The following GAS2L3 variants were observed in gnomAD, a reference collection of about 807,000 sequenced individuals.
The protein encoded by GAS2L3 is growth arrest specific 2 like 3, also known as GAS2-like protein 3.
A neutral mutation model predicts 37.0 loss-of-function variants in GAS2L3; 28 were observed. The ratio of observed to expected loss-of-function variants is 0.76; its 90% confidence interval spans 0.56 to 1.04. The LOEUF (loss-of-function observed/expected upper bound fraction) is 1.04. GAS2L3 is among the 50% of genes least tolerant of loss of function. The pLI, the probability that GAS2L3 is intolerant of heterozygous loss-of-function variation, is 0.00. For missense variants in GAS2L3, 793 were observed against 817.6 expected, an observed-to-expected ratio of 0.97 and a Z score of 0.37; for synonymous variants, 290 against 296.6, an observed-to-expected ratio of 0.98 and a Z score of 0.23.
At chr12:100,615,679 TA>T (rs2136547097) in intron 6 of GAS2L3, among the ~76,000 whole-genome samples, 1 of 152,260 alleles carries the variant, frequency 6.6e-6, no homozygotes, top group East Asian at 1.9e-4. Flanking sequence ...TGGTGGGAGG[TA>T]GGGGTTCAAA....
chr12:100,623,792 A>G lies in GAS2L3; in HGVS notation c.987A>G (p.Gln329=). Residue 329 remains glutamine (Q), a synonymous_variant, in exon 10 of 10, where the codon CAA becomes CAG. Coordinates refer to ENST00000547754, the MANE Select transcript of GAS2L3 (RefSeq NM_174942.3). The stretch of plus-strand genomic sequence containing the variant: ...CAGCAGTTAACATGTTTCAGAAACA[A>G]AATTCAAAACCCAGCGTGCCAGTTA... ...PLSAVNMFQK[Q]NSKPSVPVSI... is the part of the protein sequence containing the mutation. 1 of 1,614,118 alleles carries G rather than the reference A, an allele frequency of 6.2e-7. No homozygotes were observed. Among genetic ancestry groups the G allele is most frequent in the Non-Finnish European group, 8.5e-7 (1 of 1,180,004 alleles).
chr12:100,596,663 T>G (rs1044528882), intron 3 of GAS2L3, among the ~76,000 whole-genome samples: 1 of 152,102 alleles, frequency 6.6e-6, no homozygotes, highest in African/African-American at 2.4e-5. Flanking sequence ...TCTTACTAAT[T>G]TAATACTTCA....
At chr12:100,603,048 A>T (rs898026844) in intron 5 of GAS2L3, among the ~76,000 whole-genome samples, 2 of 152,114 alleles carry the variant, frequency 1.3e-5, no homozygotes, top group Non-Finnish European at 2.9e-5. Flanking sequence ...TCATCTACTG[A>T]TGGACTTTTA....
intron 5 of GAS2L3, among the ~76,000 whole-genome samples, chr12:100,604,860 GT>G (rs1266371572): frequency 6.6e-6 from 1 of 151,882 alleles, no homozygotes; most frequent in Non-Finnish European, 1.5e-5. Flanking sequence ...GATATATACG[GT>G]TTTTATACTT....
intron 4 of GAS2L3, among the ~76,000 whole-genome samples, chr12:100,601,326 A>G (rs937041895): frequency 6.6e-6 from 1 of 152,074 alleles, no homozygotes; most frequent in African/African-American, 2.4e-5. Context: ...ATTGCAACCA[A>G]GTCCATCTTA....
At chr12:100,584,876 T>A (rs890900293) in intron 1 of GAS2L3, among the ~76,000 whole-genome samples, 1 of 143,446 alleles carries the variant, frequency 7.0e-6, no homozygotes, top group African/African-American at 2.6e-5. Context: ...TGGGCCCTAC[T>A]TGAATGGTTT....
At chr12:100,602,171 T>C (rs1309376872) in intron 5 of GAS2L3, among the ~76,000 whole-genome samples, 1 of 152,196 alleles carries the variant, frequency 6.6e-6, no homozygotes, top group Non-Finnish European at 1.5e-5. Flanking sequence ...TGATGGTTCC[T>C]GGCACACAAG....
intron 4 of GAS2L3, among the ~76,000 whole-genome samples, 166 bp downstream of exon 4, chr12:100,600,716 A>G (rs991340087): frequency 1.3e-5 from 2 of 152,216 alleles, no homozygotes; most frequent in African/African-American, 2.4e-5. Context: ...AGCTGGGGAA[A>G]TAGTCTGATT....
intron 9 of GAS2L3, among the ~76,000 whole-genome samples, chr12:100,622,994 A>G (rs1956278807): frequency 6.6e-6 from 1 of 152,068 alleles, no homozygotes; most frequent in African/African-American, 2.4e-5. Flanking sequence ...CACTTCTCAT[A>G]CAGAAGCTGT....
At chr12:100,594,841 T>C (rs1006250243) in intron 2 of GAS2L3, 34 bp from the exon 3 acceptor site, 2 of 814,980 alleles carry the variant, frequency 2.5e-6, no homozygotes, top group East Asian at 6.4e-5. Context: ...ACTGCCACTG[T>C]TAACTGTATG....
At chr12:100,593,965 A>T (rs1398311071) in intron 2 of GAS2L3, 1 of 152,086 alleles carries the variant, frequency 6.6e-6, no homozygotes, top group African/African-American at 2.4e-5. Context: ...TGTTCCTGAA[A>T]GGAAAGTGGT....
chr12:100,594,669 A>T, intron 2 of GAS2L3: 1 of 285,228 alleles, frequency 3.5e-6, no homozygotes, highest in Non-Finnish European at 6.9e-6. Flanking sequence ...AGTCTGTTTC[A>T]GGTTTTCCTT....
intron 3 of GAS2L3, among the ~76,000 whole-genome samples, chr12:100,597,573 T>C (rs1826922798): frequency 6.6e-6 from 1 of 152,122 alleles, no homozygotes; most frequent in African/African-American, 2.4e-5. Flanking sequence ...TAAATGTCCC[T>C]TAAATAACTT....
intron 1 of GAS2L3, among the ~76,000 whole-genome samples, chr12:100,585,496 C>T (rs567403677): frequency 4.4e-4 from 66 of 151,474 alleles, no homozygotes; most frequent in African/African-American, 1.6e-3. Context: ...CCTCATGATC[C>T]ACCCACCTTG....
At chr12:100,584,290 G>A (rs186661400) in intron 1 of GAS2L3, among the ~76,000 whole-genome samples, 2 of 152,234 alleles carry the variant, frequency 1.3e-5, no homozygotes, top group African/African-American at 2.4e-5. Context: ...CTAGAAAGAG[G>A]TGAATCAAAA....
At chr12:100,594,689 A>T (rs1955888157) in intron 2 of GAS2L3, 186 bp from the exon 3 acceptor site, 1 of 310,682 alleles carries the variant, frequency 3.2e-6, no homozygotes, top group Admixed American at 5.2e-5. Context: ...TTTTCAAATG[A>T]GTAGTCCTTT....
intron 5 of GAS2L3, among the ~76,000 whole-genome samples, chr12:100,609,233 A>G (rs1956096381): frequency 6.6e-6 from 1 of 152,122 alleles, no homozygotes; most frequent in Admixed American, 6.5e-5. Context: ...AAACAGGAGG[A>G]GTCTTTCATT....
chr12:100,595,345 A>G (rs377725176), intron 3 of GAS2L3, among the ~76,000 whole-genome samples: 28 of 151,336 alleles, frequency 1.9e-4, no homozygotes, highest in African/African-American at 6.5e-4. Flanking sequence ...ATAGTTGTTC[A>G]TGTGCTCTAT....
intron 6 of GAS2L3, among the ~76,000 whole-genome samples, chr12:100,614,625 A>C (rs1956165138): frequency 6.6e-6 from 1 of 152,216 alleles, no homozygotes; most frequent in South Asian, 2.1e-4. Context: ...TACAATCATT[A>C]CTACTATCTA....
Sources: allele counts gnomAD v4.1 joint callset (sites outside exome capture counted in the v4.1 genomes callset), GRCh38; gene constraint gnomAD v4.1.1; transcripts MANE v1.5; gene names NCBI Gene and HGNC (gene_info 2026-07-23, HGNC 2026-07-21).